The following MYOM1 variants were observed in gnomAD, a reference collection of about 807,000 sequenced individuals.
The protein encoded by MYOM1 is myomesin-1.
A neutral mutation model predicts 205.3 loss-of-function variants in MYOM1; 164 were observed. The ratio of observed to expected loss-of-function variants is 0.80; its 90% CI spans 0.70 to 0.91. The LOEUF (loss-of-function observed/expected upper bound fraction) is 0.91. Ranked by LOEUF, MYOM1 falls within the 40% of genes least tolerant of loss-of-function variation. The probability of loss-of-function intolerance (pLI) is 0.00; values close to 1 mark genes in which losing one functional copy is unlikely to be tolerated. For missense variants in MYOM1, 2,011 were observed against 2,127.3 expected (o/e 0.95, Z 1.08); for synonymous variants, 772 against 789.4 (o/e 0.98, Z 0.37).
At chr18:3,136,322 T>C (rs2079965078) in intron 14 of MYOM1, among the ~76,000 whole-genome samples, 2 of 152,216 alleles carry the variant, frequency 1.3e-5, no homozygotes, top group African/African-American at 4.8e-5. Context: ...TTAATATTTC[T>C]CTTCCTTTGT....
At chr18:3,125,794 T>C (rs1397554177) in intron 19 of MYOM1, among the ~76,000 whole-genome samples, 2 of 152,092 alleles carry the variant, frequency 1.3e-5, no homozygotes, top group Non-Finnish European at 1.5e-5. Context: ...AAGGCAACAG[T>C]GAGACTGTTC....
Position 3,188,644 on chromosome 18 carries a change from A to G in MYOM1, c.771+104T>C, listed in dbSNP as rs111506648. The G allele has an allele frequency of 0.061, 76,287 of 1,251,642 alleles. 3,216 individuals carry two copies. Among genetic ancestry groups the G allele is most frequent in the African/African-American group, 0.19 (12,255 of 64,486 alleles). The allele number at this position is 1,251,642 out of a possible 1,614,324, so 77.5% of individuals were successfully genotyped here. A position where few individuals can be genotyped will look rare whatever the true frequency, so the allele number is the denominator to read the frequency against. ...ACTCCATCTCAAAAGGAAAAAAAAA[A>G]AGAAACAAATCAATCTATATCTACA... On this transcript the variant is annotated intron_variant, in intron 4 of 37. Transcript: ENST00000356443.
intron 25 of MYOM1, 71 bp from the exon 26 acceptor site, chr18:3,094,377 G>C: frequency 1.2e-6 from 1 of 836,602 alleles, no homozygotes; most frequent in Non-Finnish European, 1.6e-6. Context: ...TTTCCATCAA[G>C]TGAAAAAAAA....
upstream of MYOM1, among the ~76,000 whole-genome samples, chr18:3,220,429 C>T (rs1417647008): frequency 1.3e-5 from 2 of 152,202 alleles, no homozygotes; most frequent in East Asian, 3.8e-4. Flanking sequence ...TTTTGCCTGA[C>T]ATCACGGTCA....
rs2078931332 is a variant in MYOM1, at chr18:3,069,067, AC to A, written c.4765-1513del. On this transcript the variant is annotated intron_variant, in intron 37 of 37. Coordinates refer to ENST00000356443, the MANE Select transcript of MYOM1 (RefSeq NM_003803.4). ...TGAGATTACAGGCATGGGCCACCAC[AC>A]CCAGCCCATGTTTTCTTTTTTTTTC... Among the ~76,000 whole-genome samples, 4 of 152,110 alleles carry A rather than the reference AC, an allele frequency of 2.6e-5. No homozygotes were observed. The South Asian group carries it at 8.3e-4, about 32-fold the overall frequency.
At chr18:3,184,563 C>CT (rs1567955666) in intron 5 of MYOM1, among the ~76,000 whole-genome samples, 1 of 152,100 alleles carries the variant, frequency 6.6e-6, no homozygotes, top group Admixed American at 6.6e-5. Flanking sequence ...TCTCCCAGTT[C>CT]TTTTTTTGTT....
chr18:3,137,020 G>A (rs569711039), intron 14 of MYOM1, among the ~76,000 whole-genome samples: 63 of 150,222 alleles, frequency 4.2e-4, no homozygotes, highest in Middle Eastern at 6.8e-3. Context: ...GCACAATCTC[G>A]GCTCACTGCA....
chr18:3,096,694 G>A (rs987019013), intron 25 of MYOM1, among the ~76,000 whole-genome samples: 2 of 152,100 alleles, frequency 1.3e-5, no homozygotes, highest in African/African-American at 4.8e-5. Context: ...ACGTGCTTGT[G>A]CTTGCCTCCC....
chr18:3,128,865 C>G (rs1019631974), intron 18 of MYOM1, among the ~76,000 whole-genome samples: 2 of 152,164 alleles, frequency 1.3e-5, no homozygotes, highest in Non-Finnish European at 2.9e-5. Context: ...ATGTTCCAAA[C>G]ATGACTATTT....
intron 33 of MYOM1, among the ~76,000 whole-genome samples, chr18:3,080,688 T>A (rs2079075193): frequency 6.7e-6 from 1 of 150,168 alleles, no homozygotes; most frequent in African/African-American, 2.4e-5. Context: ...AAAAAAAAAT[T>A]TCCTACCTAA....
intron 2 of MYOM1, among the ~76,000 whole-genome samples, chr18:3,198,439 C>G (rs533784927): frequency 6.6e-6 from 1 of 152,320 alleles, no homozygotes; most frequent in Non-Finnish European, 1.5e-5. Flanking sequence ...ATATTCTCAG[C>G]ACTGTGCCCA....
rs200074964 is a variant in MYOM1, at chr18:3,186,802, G to A, written c.929+678C>T. Among the ~76,000 whole-genome samples, 95 of 138,870 alleles carry A rather than the reference G, an allele frequency of 6.8e-4. 1 individual carries two copies. The highest frequency in any genetic ancestry group is 2.3e-3 in the African/African-American group (82 of 36,354). 91.1% of individuals were successfully genotyped at this position (138,870 alleles called of 152,430 possible). ...GGAAGGAGAGAGAGAAAGAAAGAAA[G>A]AGAAAGAAAGAAAGAAAGAAAGAGA... On this transcript the variant is annotated intron_variant, in intron 5 of 37. Transcript: ENST00000356443.
At chr18:3,099,862 G>A (rs148688665) in intron 25 of MYOM1, among the ~76,000 whole-genome samples, 323 of 152,228 alleles carry the variant, frequency 2.1e-3, no homozygotes, top group Middle Eastern at 0.01. Flanking sequence ...CAACATATGT[G>A]GGCAAAAAGT....
At chr18:3,238,498 A>G in the MYOM1 span, among the ~76,000 whole-genome samples, 5 of 152,058 alleles carry the variant, frequency 3.3e-5, no homozygotes, top group African/African-American at 1.2e-4. Context: ...GGCATCGAGA[A>G]CCAGTGAGTA....
chr18:3,178,983 T>C (rs1438459856), intron 5 of MYOM1, among the ~76,000 whole-genome samples: 1 of 152,044 alleles, frequency 6.6e-6, no homozygotes, highest in Non-Finnish European at 1.5e-5. Flanking sequence ...TCTTCCCACC[T>C]CAGACTACCA....
At chr18:3,227,468 G>A in the MYOM1 span, among the ~76,000 whole-genome samples, 700 of 152,214 alleles carry the variant, frequency 4.6e-3, 9 homozygotes, top group African/African-American at 0.016. Context: ...GGGAAAGGGG[G>A]TAATGAGGAG....
At position 3,209,581 on chromosome 18, in the gene MYOM1, C is replaced by G. The variant is rs9955480; in HGVS notation, c.290+5353G>C. On this transcript the variant is annotated intron_variant, in intron 2 of 37. Transcript: ENST00000356443. The surrounding 1 kb of genome is among the most constrained non-coding windows in gnomAD (Gnocchi z 4.0). ...CAACCCATCACCTTTCTGACATCCT[C>G]TCCACCTGCACTATCCATCACTCCC... Among the ~76,000 whole-genome samples, 1 of 152,218 alleles carries G rather than the reference C, an allele frequency of 6.6e-6. No individual in the cohort carries two copies. The highest frequency in any genetic ancestry group is 2.4e-5 in the African/African-American group (1 of 41,438).
At chr18:3,197,682 G>A (rs62076893) in intron 2 of MYOM1, among the ~76,000 whole-genome samples, 6,429 of 151,734 alleles carry the variant, frequency 0.042, 201 homozygotes, top group South Asian at 0.063. Context: ...GACCATCCTA[G>A]CTAACATGGT....
chr18:3,098,569 A>C (rs1189678439), intron 25 of MYOM1, among the ~76,000 whole-genome samples: 1 of 151,584 alleles, frequency 6.6e-6, no homozygotes, highest in East Asian at 2.0e-4. Flanking sequence ...GAGCCACCAC[A>C]CCCCACCCTC....
Sources: allele counts gnomAD v4.1 joint callset (sites outside exome capture counted in the v4.1 genomes callset), GRCh38; gene constraint gnomAD v4.1.1; non-coding constraint Gnocchi (gnomAD v3.1); transcripts MANE v1.5; gene names NCBI Gene and HGNC (gene_info 2026-07-23, HGNC 2026-07-21).